CPLX1: variants seen among roughly 807,000 people sequenced by gnomAD.
CPLX1 encodes the protein complexin 1, also known as complexin-1.
Under a neutral mutation model 15.6 loss-of-function variants are expected in CPLX1, and 6 were observed. The ratio of observed to expected loss-of-function variants is 0.39; its 90% CI spans 0.21 to 0.76. The LOEUF (loss-of-function observed/expected upper bound fraction) is 0.76. CPLX1 is among the 30% of genes least tolerant of loss of function. The probability of loss-of-function intolerance (pLI) is 0.43; values close to 1 mark genes in which losing one functional copy is unlikely to be tolerated. For synonymous variants in CPLX1, 91 were observed against 75.2 expected (o/e 1.21, Z -1.08); for missense variants, 242 against 188.6 (o/e 1.28, Z -1.66).
chr4:792,546 TGGC>T lies in CPLX1; in HGVS notation c.91_93del (p.Ala31del). The T allele has an allele frequency of 6.2e-7, 1 of 1,613,330 alleles. No homozygotes were observed. The highest frequency in any genetic ancestry group is 8.5e-7 in the Non-Finnish European group (1 of 1,179,696). ...GCCTCCTGCCGCTCCTCCTCCTTCTTGGCGGCGTCTGGGTCCTTCTCCTCGTCA... is the reference window on the plus strand; with the variant it reads ...GCCTCCTGCCGCTCCTCCTCCTTCTTGGCGTCTGGGTCCTTCTCCTCGTCA... On this transcript the variant is annotated inframe_deletion, in exon 3 of 4. Transcript: ENST00000304062.
intron 2 of CPLX1, among the ~76,000 whole-genome samples, chr4:815,984 C>G (rs935503799): frequency 1.1e-4 from 16 of 152,162 alleles, no homozygotes; most frequent in African/African-American, 3.9e-4. Flanking sequence ...ATTCAAAGAT[C>G]TTTTGTTGTC....
intron 2 of CPLX1, among the ~76,000 whole-genome samples, chr4:812,799 C>T (rs770530754): frequency 5.3e-5 from 8 of 152,014 alleles, no homozygotes; most frequent in East Asian, 1.9e-4. Flanking sequence ...TGCTAACGCC[C>T]GGTGTCCTAA....
chr4:799,442 C>T (rs1746410006), intron 2 of CPLX1, among the ~76,000 whole-genome samples: 2 of 152,204 alleles, frequency 1.3e-5, no homozygotes, highest in Non-Finnish European at 2.9e-5. Context: ...GGGTAGCACC[C>T]CAGCTCCACG....
At chr4:801,554 TACTC>T (rs1746460927) in intron 2 of CPLX1, among the ~76,000 whole-genome samples, 1 of 152,188 alleles carries the variant, frequency 6.6e-6, no homozygotes, top group Non-Finnish European at 1.5e-5. Context: ...GGTACGCAAA[TACTC>T]ACCACTGTGT....
Position 824,611 on chromosome 4 carries a change from A to G in CPLX1, c.-79-10T>C, listed in dbSNP as rs1746938820. On this transcript the variant is annotated splice_polypyrimidine_tract_variant and intron_variant, in intron 1 of 3. Transcript: ENST00000304062. ...GGAGCGAGTGTTCTTCCTGGGGGAG[A>G]GTGAAGTGGTCACAGGTCACCCTAA... The G allele has an allele frequency of 2.1e-6, 3 of 1,437,004 alleles. No individual in the cohort carries two copies. Among genetic ancestry groups the G allele is most frequent in the African/African-American group, 1.4e-5 (1 of 71,422 alleles). 89.0% of individuals were successfully genotyped at this position (1,437,004 alleles called of 1,614,324 possible).
chr4:789,897 ACGCC>A (rs1746115955), intron 3 of CPLX1, among the ~76,000 whole-genome samples: 1 of 76,556 alleles, frequency 1.3e-5, no homozygotes, highest in Non-Finnish European at 2.5e-5. Context: ...TCAGGTGGCC[ACGCC>A]TGAGGGCAGG....
intron 2 of CPLX1, among the ~76,000 whole-genome samples, chr4:818,408 C>G (rs1389347086): frequency 6.6e-6 from 1 of 152,290 alleles, no homozygotes; most frequent in Non-Finnish European, 1.5e-5. Flanking sequence ...GGTGGCCTCA[C>G]AGGTCCCCGG....
At chr4:823,177 G>C (rs1200900405) in intron 2 of CPLX1, among the ~76,000 whole-genome samples, 1 of 152,188 alleles carries the variant, frequency 6.6e-6, no homozygotes, top group East Asian at 1.9e-4. Flanking sequence ...TGGGTGGAAC[G>C]TGCGTCCCTC....
intron 2 of CPLX1, among the ~76,000 whole-genome samples, chr4:807,607 T>TCAA (rs1359208060): frequency 6.6e-6 from 1 of 151,976 alleles, no homozygotes; most frequent in African/African-American, 2.4e-5. Context: ...CCCAAGTAGC[T>TCAA]GAGATTACGG....
intron 3 of CPLX1, chr4:787,223 C>G (rs754061811): frequency 2.1e-5 from 21 of 985,282 alleles, no homozygotes; most frequent in Non-Finnish European, 2.5e-5. Flanking sequence ...GCTGCAGCTC[C>G]GTGGGCAGCC....
rs557161237 is a variant in CPLX1 at position 785,360 on chromosome 4, G to C, written c.*1141C>G. The stretch of plus-strand genomic sequence containing the variant: ...TTATGGCTTCTCTAAAGCTATGTAA[G>C]GTCATGAAGGTCAATGCCAAGCCAC... On this transcript the variant is annotated 3_prime_UTR_variant, in exon 4 of 4. Transcript: ENST00000304062. 1 of 152,526 alleles carries C rather than the reference G, an allele frequency of 6.6e-6. No individual in the cohort carries two copies. 9.4% of individuals were successfully genotyped at this position (152,526 alleles called of 1,614,324 possible). A position where few individuals can be genotyped will look rare whatever the true frequency, so the allele number is the denominator to read the frequency against.
chr4:808,483 T>C (rs931874615), intron 2 of CPLX1, among the ~76,000 whole-genome samples: 1 of 152,098 alleles, frequency 6.6e-6, no homozygotes, highest in Non-Finnish European at 1.5e-5. Flanking sequence ...CTCACTCCAA[T>C]TGCCACAGAA....
At chr4:790,888 CTGTCTCTCCTCTCTT>C (rs932259286) in intron 3 of CPLX1, among the ~76,000 whole-genome samples, 7 of 151,960 alleles carry the variant, frequency 4.6e-5, no homozygotes, top group Non-Finnish European at 7.4e-5. Context: ...CTCTCTGTGC[CTGTCTCTCCTCTCTT>C]TGTCTCTCTC....
At chr4:802,900 G>A (rs1458746640) in intron 2 of CPLX1, among the ~76,000 whole-genome samples, 6 of 150,718 alleles carry the variant, frequency 4.0e-5, no homozygotes, top group Non-Finnish European at 4.4e-5. Flanking sequence ...GCGGTGAGCC[G>A]AGACTGCGCC....
At chr4:812,106 G>C (rs1746675045) in intron 2 of CPLX1, among the ~76,000 whole-genome samples, 2 of 151,976 alleles carry the variant, frequency 1.3e-5, no homozygotes, top group Non-Finnish European at 2.9e-5. Context: ...ACAGAGTCTT[G>C]CTCTGTCACC....
At position 818,975 on chromosome 4, in the gene CPLX1, G is replaced by C. The variant is rs1019044199; in HGVS notation, c.31+5517C>G. Among the ~76,000 whole-genome samples the C allele has an allele frequency of 2.6e-5, 4 of 152,368 alleles. No homozygotes were observed. The South Asian group carries it at 8.3e-4, about 32-fold the overall frequency. On this transcript the variant is annotated intron_variant, in intron 2 of 3. Transcript: ENST00000304062. ...CCTCGTCTGATCTCCGTGTGGACCA[G>C]GAGACCCAGGTTCTCTGAAGTTTGG...
At chr4:805,493 C>T (rs762672815) in intron 2 of CPLX1, among the ~76,000 whole-genome samples, 13 of 152,192 alleles carry the variant, frequency 8.5e-5, no homozygotes, top group African/African-American at 1.2e-4. Context: ...GAACCCTGTG[C>T]CTTGTTGTTG....
rs561543025 is a variant in CPLX1, at chr4:787,056, G to A, written c.208-358C>T. 12 of 985,396 alleles carry A rather than the reference G, an allele frequency of 1.2e-5. No homozygotes were observed. In the African/African-American group the frequency reaches 2.1e-4, roughly 17 times the overall value. 61.0% of individuals were successfully genotyped at this position (985,396 alleles called of 1,614,324 possible). ...CTCCGGCCCGGGGCAGGGAGGGGTG[G>A]GCAGGATGCTGCGTGGCAGAGGTGG... On this transcript the variant is annotated intron_variant, in intron 3 of 3. Coordinates refer to ENST00000304062, the MANE Select transcript of CPLX1 (RefSeq NM_006651.4).
Position 785,217 on chromosome 4 carries a change from AG to A in CPLX1, c.*1283del, listed in dbSNP as rs1745943774. 1 of 152,514 alleles carries A rather than the reference AG, an allele frequency of 6.6e-6. No homozygotes were observed. The highest frequency in any genetic ancestry group is 2.4e-5 in the African/African-American group (1 of 41,466). The allele number at this position is 152,514 out of a possible 1,614,324, so 9.4% of individuals were successfully genotyped here. Reference sequence around the variant, plus strand: ...ACACGACCCGGGAGAAGTCAGTGAGAGGGCACAGGGCGAGCAGGACGGACAG... The same window carrying A: ...ACACGACCCGGGAGAAGTCAGTGAGAGGCACAGGGCGAGCAGGACGGACAG... On this transcript the variant is annotated 3_prime_UTR_variant, in exon 4 of 4. Coordinates refer to ENST00000304062, the MANE Select transcript of CPLX1 (RefSeq NM_006651.4).
Sources: allele counts gnomAD v4.1 joint callset (sites outside exome capture counted in the v4.1 genomes callset), GRCh38; gene constraint gnomAD v4.1.1; transcripts MANE v1.5; gene names NCBI Gene and HGNC (gene_info 2026-07-23, HGNC 2026-07-21).